Variants in WDFY3 observed in about 807,000 individuals in gnomAD.
WDFY3 encodes the protein WD repeat and FYVE domain containing 3.
Under a neutral mutation model 409.6 loss-of-function variants are expected in WDFY3, and 66 were observed. That is an observed-to-expected ratio of 0.16 (90% confidence interval 0.13 to 0.20). The LOEUF is 0.20. Among genes scored for constraint, WDFY3 ranks in the 10% least tolerant of loss-of-function variants. The pLI, the probability that WDFY3 is intolerant of heterozygous loss-of-function variation, is 1.00. For synonymous variants in WDFY3, 1,521 were observed against 1,537.1 expected, an observed-to-expected ratio of 0.99 and a Z score of 0.25; for missense variants, 3,031 against 4,298.1, an observed-to-expected ratio of 0.71 and a Z score of 8.24.
chr4:84,699,338 C>A (rs1204613439), intron 56 of WDFY3, among the ~76,000 whole-genome samples: 1 of 152,136 alleles, frequency 6.6e-6, no homozygotes, highest in Non-Finnish European at 1.5e-5. Context: ...TGGCTTCTTT[C>A]ACTTTGCGTA....
rs1740515964 is a variant in WDFY3 at position 84,751,529 on chromosome 4, A to T, written c.5927T>A (p.Leu1976His). The T allele has an allele frequency of 6.2e-7, 1 of 1,614,104 alleles. No homozygotes were observed. The highest frequency in any genetic ancestry group is 8.5e-7 in the Non-Finnish European group (1 of 1,180,038). The change falls in exon 36 of 68, where the codon CTC becomes CAC. Residue 1976 changes from leucine to histidine, a missense_variant. Leu to His is a moderately conservative substitution (Grantham distance 99). Coordinates refer to ENST00000295888, the MANE Select transcript of WDFY3 (RefSeq NM_014991.6). ...MRVLIIDNLC[L>H]TPASKQTPLI... ...TGGAGTTTGCTTGCTGGCAGGAGTG[A>T]GACAGAGGTTGTCTATGATTAAGAC...
chr4:84,837,607 T>C (rs950193254), intron 6 of WDFY3, among the ~76,000 whole-genome samples: 9 of 152,222 alleles, frequency 5.9e-5, no homozygotes, highest in Non-Finnish European at 1.0e-4. Flanking sequence ...GAAAGACACT[T>C]GAGTGATAAA....
At chr4:84,779,253 A>C (rs1268013697) in intron 26 of WDFY3, among the ~76,000 whole-genome samples, 1 of 152,198 alleles carries the variant, frequency 6.6e-6, no homozygotes, top group Non-Finnish European at 1.5e-5. Context: ...CTATAATTAA[A>C]TCTATACAAC....
chr4:84,724,963 G>A (rs1203853168), intron 45 of WDFY3, among the ~76,000 whole-genome samples: 1 of 152,200 alleles, frequency 6.6e-6, no homozygotes, highest in Non-Finnish European at 1.5e-5. Flanking sequence ...TGTCTAGTCT[G>A]TGAGGAGCCT....
chr4:84,960,809 ATCT>A (rs1168224187), intron 1 of WDFY3, among the ~76,000 whole-genome samples: 1 of 152,156 alleles, frequency 6.6e-6, no homozygotes, highest in Non-Finnish European at 1.5e-5. Context: ...ATTTCATATC[ATCT>A]TCTGAATGAA....
At chr4:84,753,469 G>A (rs974340145) in intron 35 of WDFY3, among the ~76,000 whole-genome samples, 28 of 152,148 alleles carry the variant, frequency 1.8e-4, no homozygotes, top group Non-Finnish European at 2.5e-4. Flanking sequence ...TATGGTGAAT[G>A]AGAAAAGGAA....
intron 64 of WDFY3, among the ~76,000 whole-genome samples, chr4:84,681,258 C>A (rs997112738): frequency 6.6e-6 from 1 of 152,200 alleles, no homozygotes; most frequent in Non-Finnish European, 1.5e-5. Context: ...CCCCTTCTAT[C>A]TCACTCATTC....
intron 12 of WDFY3, among the ~76,000 whole-genome samples, chr4:84,819,807 G>C (rs920792810): frequency 2.0e-5 from 3 of 152,032 alleles, no homozygotes; most frequent in African/African-American, 7.2e-5. Context: ...ATTTGAGTAA[G>C]AGTGTATCAA....
intron 3 of WDFY3, among the ~76,000 whole-genome samples, chr4:84,866,607 C>A (rs866953291): frequency 1.3e-5 from 2 of 152,174 alleles, no homozygotes; most frequent in South Asian, 4.1e-4. Context: ...AGCCATGGAC[C>A]AAATCCTTCA....
At position 84,699,971 on chromosome 4, in the gene WDFY3, T is replaced by C. The variant is rs543663632; in HGVS notation, c.8596+2382A>G. Among the ~76,000 whole-genome samples the C allele has an allele frequency of 2.6e-5, 4 of 152,044 alleles. No individual in the cohort carries two copies. In the South Asian group the frequency reaches 8.3e-4, roughly 32 times the overall value. On this transcript the variant is annotated intron_variant, in intron 56 of 67. Coordinates refer to ENST00000295888, the MANE Select transcript of WDFY3 (RefSeq NM_014991.6). ...CTGGATACTAGATCCTTATTAGATA[T>C]ATTATTTGCAAATATTTTCTTCCAT...
rs755243242 is a variant in WDFY3, at chr4:84,672,901, C to G, written c.10548G>C (p.Glu3516Asp). 6.2e-7 allele frequency: 1 copy of G among 1,614,134 alleles called. No individual in the cohort carries two copies. The highest frequency in any genetic ancestry group is 1.1e-5 in the South Asian group (1 of 91,080). Residue 3516 changes from glutamate (E) to aspartate (D), a missense_variant, in exon 68 of 68, where the codon GAG (glutamate) becomes GAC (aspartate). Glu to Asp is a conservative substitution (Grantham distance 45). Coordinates refer to ENST00000295888, the MANE Select transcript of WDFY3 (RefSeq NM_014991.6). Reference protein sequence around the residue: ...CQNCYYNLQHERGSEDGPRNC With the variant: ...CQNCYYNLQHDRGSEDGPRNC ...TTCGAGGCCCATCTTCTGAACCTCT[C>G]TCATGCTGTAAGTTATAATAACAGT...
intron 24 of WDFY3, among the ~76,000 whole-genome samples, chr4:84,784,887 T>TACACACAC (rs1191175705): frequency 8.0e-5 from 5 of 62,342 alleles, no homozygotes; most frequent in African/African-American, 2.1e-4. Flanking sequence ...TATATATATA[T>TACACACAC]ATATACACAC....
At chr4:84,757,979 C>G (rs1275032003) in intron 32 of WDFY3, among the ~76,000 whole-genome samples, 2 of 152,134 alleles carry the variant, frequency 1.3e-5, no homozygotes, top group Non-Finnish European at 2.9e-5. Context: ...ATCCAGAATT[C>G]CCTCTAGAAA....
chr4:84,834,386 C>T lies in WDFY3; in HGVS notation c.576+2543G>A, dbSNP rs568866533. Among the ~76,000 whole-genome samples the T allele has an allele frequency of 3.3e-5, 5 of 152,202 alleles. No homozygotes were observed. In the East Asian group the frequency reaches 7.7e-4, roughly 24 times the overall value. On this transcript the variant is annotated intron_variant, in intron 7 of 67. Coordinates refer to ENST00000295888, the MANE Select transcript of WDFY3 (RefSeq NM_014991.6). ...TCCTGGCTGGGTGTGGTGGCTCACG[C>T]CTGTAATCCCAGCACTTTGGGAGGC... is the stretch of plus-strand genomic sequence containing the variant.
intron 1 of WDFY3, among the ~76,000 whole-genome samples, chr4:84,958,022 C>T (rs1485753836): frequency 6.6e-6 from 1 of 152,098 alleles, no homozygotes; most frequent in Non-Finnish European, 1.5e-5. Context: ...TACTGTATTT[C>T]TTTATTATTA....
chr4:84,933,023 T>C (rs1252184475), intron 1 of WDFY3, among the ~76,000 whole-genome samples: 3 of 152,166 alleles, frequency 2.0e-5, no homozygotes, highest in Admixed American at 6.5e-5. Flanking sequence ...ACAAGTTCTA[T>C]AGTGTAGTCA....
intron 2 of WDFY3, among the ~76,000 whole-genome samples, chr4:84,922,791 T>C (rs1013616970): frequency 1.3e-5 from 2 of 152,040 alleles, no homozygotes; most frequent in African/African-American, 4.8e-5. Flanking sequence ...TTCTGAGTAA[T>C]TGAGACTACA....
chr4:84,698,289 TA>T (rs201352375), intron 56 of WDFY3, among the ~76,000 whole-genome samples: 105 of 145,772 alleles, frequency 7.2e-4, no homozygotes, highest in Non-Finnish European at 1.2e-3. Flanking sequence ...TATATATATA[TA>T]TTTTTTTTTT....
chr4:84,835,066 T>G (rs1249944729), intron 7 of WDFY3, among the ~76,000 whole-genome samples: 1 of 152,204 alleles, frequency 6.6e-6, no homozygotes, highest in African/African-American at 2.4e-5. Flanking sequence ...ATGAGGAGTT[T>G]GATTTAAATT....
Sources: gnomAD v4.1 joint callset for allele counts (sites outside exome capture counted in the v4.1 genomes callset) on GRCh38, gnomAD v4.1.1 for gene constraint, MANE v1.5 for transcripts, NCBI Gene and HGNC (gene_info 2026-07-23, HGNC 2026-07-21) for gene names.